NLGN1: variants seen among roughly 807,000 people sequenced by gnomAD.
NLGN1 encodes the protein neuroligin-1.
A neutral mutation model predicts 65.5 loss-of-function variants in NLGN1; 12 were observed. That is an observed-to-expected ratio of 0.18 (90% confidence interval 0.12 to 0.30). NLGN1 has a LOEUF of 0.30. Ranked by LOEUF, NLGN1 falls within the 10% of genes least tolerant of loss-of-function variation. The pLI is 1.00. For missense variants in NLGN1, 750 were observed against 1,007.1 expected (o/e 0.74, Z 3.46); for synonymous variants, 350 against 359.5 (o/e 0.97, Z 0.30).
chr3:173,645,146 CT>C (rs1405128566), intron 3 of NLGN1, among the ~76,000 whole-genome samples: 9 of 152,258 alleles, frequency 5.9e-5, no homozygotes, highest in Non-Finnish European at 1.3e-4. Context: ...CATTAGGCAA[CT>C]TTCAGGTTCT....
At chr3:174,285,770 C>CTCCTGAGGAAAATCCT (rs1479629472) in exon 7 of NLGN1, 7 of 151,380 alleles carry the variant, frequency 4.6e-5, no homozygotes, top group Admixed American at 6.6e-5. Context: ...GTGCCTTTTC[C>CTCCTGAGGAAAATCCT]TCCTGAGATT....
intron 4 of NLGN1, among the ~76,000 whole-genome samples, chr3:174,272,097 A>G (rs1008172402): frequency 6.6e-6 from 1 of 151,738 alleles, no homozygotes; most frequent in Admixed American, 6.6e-5. Flanking sequence ...GAGTGTCAAG[A>G]AAAGTGAGAT....
At chr3:173,904,781 C>T (rs1366155153) in intron 4 of NLGN1, among the ~76,000 whole-genome samples, 1 of 151,982 alleles carries the variant, frequency 6.6e-6, no homozygotes, top group Non-Finnish European at 1.5e-5. Context: ...GTCAACAAAG[C>T]GGTGGTGATA....
In NLGN1 at chr3:173,750,904, C is replaced by T. The variant is rs553501647; in HGVS notation, c.494-56776C>T. ...CCCTGGGATCATTAGAACATTTCAG[C>T]ACAACTTAACTGCTGGTAGAAAGAA... On this transcript the variant is annotated intron_variant, in intron 3 of 6. Transcript: ENST00000457714. Among the ~76,000 whole-genome samples the T allele has an allele frequency of 2.4e-4, 36 of 152,178 alleles. 1 individual carries two copies. The South Asian group carries it at 5.8e-3, about 25-fold the overall frequency.
intron 2 of NLGN1, among the ~76,000 whole-genome samples, chr3:173,450,171 A>G (rs1027586829): frequency 6.6e-6 from 1 of 152,132 alleles, no homozygotes; most frequent in Non-Finnish European, 1.5e-5. Flanking sequence ...TGGTCTTTAC[A>G]ATTTGGCATG....
At chr3:173,556,395 A>G (rs1741712149) in intron 2 of NLGN1, among the ~76,000 whole-genome samples, 1 of 152,306 alleles carries the variant, frequency 6.6e-6, no homozygotes, top group South Asian at 2.1e-4. Context: ...TCAATATTGT[A>G]TGCTTTTATT....
chr3:174,149,039 T>C (rs1299358102), intron 4 of NLGN1, among the ~76,000 whole-genome samples: 1 of 152,198 alleles, frequency 6.6e-6, no homozygotes, highest in Admixed American at 6.5e-5. Flanking sequence ...TGTTATCAAT[T>C]AGGATACTTT....
intron 3 of NLGN1, among the ~76,000 whole-genome samples, chr3:173,708,907 G>T (rs1382983431): frequency 6.6e-6 from 1 of 152,118 alleles, no homozygotes; most frequent in East Asian, 1.9e-4. Flanking sequence ...AAACCAATGC[G>T]TTATTCGGTA....
chr3:174,074,598 G>A (rs537734825), intron 4 of NLGN1, among the ~76,000 whole-genome samples: 1 of 152,222 alleles, frequency 6.6e-6, no homozygotes, highest in Middle Eastern at 3.4e-3. Context: ...ATTACACAGG[G>A]TTTACTTTTC....
intron 4 of NLGN1, among the ~76,000 whole-genome samples, chr3:174,208,294 T>G (rs1735809477): frequency 6.6e-6 from 1 of 152,202 alleles, no homozygotes; most frequent in South Asian, 2.1e-4. Context: ...TAAGAAACGA[T>G]GTACCAAATC....
chr3:173,884,394 C>T (rs1221381591), intron 4 of NLGN1, among the ~76,000 whole-genome samples: 2 of 152,078 alleles, frequency 1.3e-5, no homozygotes, highest in African/African-American at 2.4e-5. Flanking sequence ...TAATGAGGCA[C>T]AGTAAGAATT....
intron 4 of NLGN1, among the ~76,000 whole-genome samples, chr3:174,017,490 T>G (rs1193791431): frequency 6.6e-6 from 1 of 152,198 alleles, no homozygotes; most frequent in Non-Finnish European, 1.5e-5. Flanking sequence ...GTGGTCATTT[T>G]AGAATTAATT....
At chr3:174,168,668 A>G (rs1207270325) in intron 4 of NLGN1, among the ~76,000 whole-genome samples, 1 of 152,076 alleles carries the variant, frequency 6.6e-6, no homozygotes, top group Non-Finnish European at 1.5e-5. Flanking sequence ...GTCTCAGGCA[A>G]TCAGCTGATT....
intron 3 of NLGN1, among the ~76,000 whole-genome samples, chr3:173,699,254 G>A (rs1188653736): frequency 6.6e-6 from 1 of 152,112 alleles, no homozygotes; most frequent in Non-Finnish European, 1.5e-5. Context: ...GGTTTACCAA[G>A]CCTGAACATA....
intron 3 of NLGN1, among the ~76,000 whole-genome samples, chr3:173,623,578 G>A (rs1754362922): frequency 6.6e-6 from 1 of 152,082 alleles, no homozygotes; most frequent in Non-Finnish European, 1.5e-5. Context: ...AAAGAACAAG[G>A]TTTGTGACCA....
At chr3:173,447,607 G>T (rs1376292865) in intron 2 of NLGN1, among the ~76,000 whole-genome samples, 3 of 152,142 alleles carry the variant, frequency 2.0e-5, no homozygotes, top group Non-Finnish European at 2.9e-5. Context: ...AAAGTCATTG[G>T]TAGCTTGATG....
At chr3:173,400,968 GCTT>G (rs1248769371) in intron 1 of NLGN1, among the ~76,000 whole-genome samples, 4 of 152,068 alleles carry the variant, frequency 2.6e-5, no homozygotes, top group Non-Finnish European at 5.9e-5. Flanking sequence ...ATTTTATCAG[GCTT>G]CTTCTATTAT....
chr3:173,889,722 T>C (rs896397537), intron 4 of NLGN1, among the ~76,000 whole-genome samples: 1 of 152,124 alleles, frequency 6.6e-6, no homozygotes, highest in African/African-American at 2.4e-5. Context: ...GTTGTTTGCC[T>C]GCCAACAGCA....
chr3:173,597,471 A>T (rs1577453798), intron 2 of NLGN1, among the ~76,000 whole-genome samples: 1 of 152,288 alleles, frequency 6.6e-6, no homozygotes, highest in South Asian at 2.1e-4. Context: ...GGATGAATCC[A>T]GCTGATATTT....
Sources: gnomAD v4.1 joint callset for allele counts (sites outside exome capture counted in the v4.1 genomes callset) on GRCh38, gnomAD v4.1.1 for gene constraint, MANE v1.5 for transcripts, NCBI Gene and HGNC (gene_info 2026-07-23, HGNC 2026-07-21) for gene names.